Variants in SPAG17 observed in about 807,000 individuals in gnomAD.
SPAG17 encodes sperm associated antigen 17.
In SPAG17, 169 loss-of-function variants were observed where a neutral mutation model predicts 273.6. That is an observed-to-expected ratio of 0.62 (90% CI 0.55 to 0.70). The LOEUF (loss-of-function observed/expected upper bound fraction) is 0.70, where lower values mean the gene tolerates loss of function less well. SPAG17 is among the 30% of genes least tolerant of loss of function. The pLI is 0.00. For missense variants in SPAG17, 2,557 were observed against 2,627.8 expected (o/e 0.97, Z 0.59); for synonymous variants, 825 against 873.2 (o/e 0.94, Z 0.97).
At chr1:118,131,528 A>C (rs1658051597) in intron 3 of SPAG17, among the ~76,000 whole-genome samples, 1 of 152,232 alleles carries the variant, frequency 6.6e-6, no homozygotes, top group Non-Finnish European at 1.5e-5. Flanking sequence ...CCAATTAAAA[A>C]GTAAGTCCTG....
At chr1:118,005,689 C>T (rs781124235) in intron 31 of SPAG17, 87 bp from the exon 32 acceptor site, 1 of 920,212 alleles carries the variant, frequency 1.1e-6, no homozygotes, top group Admixed American at 3.8e-5. Flanking sequence ...AGAAAGAATA[C>T]CCATAGATCC....
intron 34 of SPAG17, among the ~76,000 whole-genome samples, chr1:117,995,926 G>A (rs12131994): frequency 6.6e-6 from 1 of 151,998 alleles, no homozygotes; most frequent in East Asian, 1.9e-4. Context: ...GCTTATATAA[G>A]TTACCGGGTA....
chr1:118,122,129 T>C (rs2102274579), intron 3 of SPAG17, among the ~76,000 whole-genome samples: 1 of 149,718 alleles, frequency 6.7e-6, no homozygotes, highest in South Asian at 2.1e-4. Context: ...AGAGGAACTA[T>C]TGCCCCAATG....
At chr1:117,955,662 C>G (rs564653835) in intron 48 of SPAG17, among the ~76,000 whole-genome samples, 1 of 151,646 alleles carries the variant, frequency 6.6e-6, no homozygotes, top group South Asian at 2.1e-4. Flanking sequence ...TATATTTTGG[C>G]TTCTTTTCTA....
In SPAG17 at chr1:118,093,238, T is replaced by C. The variant is rs1287144129; in HGVS notation, c.1091A>G (p.His364Arg). 2 of 1,613,782 alleles carry C rather than the reference T, an allele frequency of 1.2e-6. No homozygotes were observed. Among genetic ancestry groups the C allele is most frequent in the Non-Finnish European group, 1.7e-6 (2 of 1,179,818 alleles). Residue 364 changes from histidine (H) to arginine (R), a missense_variant, in exon 8 of 49, where the codon CAC (histidine) becomes CGC (arginine). Physicochemically the swap from His to Arg is conservative, Grantham distance 29. Transcript: ENST00000336338. ...DILDWKRQHQ[H>R]YLESMQLINV... ...AATAAGCTGCATGCTTTCCAAATAG[T>C]GCTGGTGCTGCCTTTTCCAATCCAG... is the stretch of plus-strand genomic sequence containing the variant.
At chr1:118,099,887 G>T in intron 5 of SPAG17, 87 bp from the exon 6 acceptor site, 1 of 1,131,480 alleles carries the variant, frequency 8.8e-7, no homozygotes, top group Non-Finnish European at 1.3e-6. Context: ...TATACATTAT[G>T]CATGCATTTA....
At chr1:118,154,980 G>C (rs1020328812) in intron 1 of SPAG17, among the ~76,000 whole-genome samples, 1 of 152,104 alleles carries the variant, frequency 6.6e-6, no homozygotes, top group Non-Finnish European at 1.5e-5. Flanking sequence ...AAGAGGGTCT[G>C]GGTCTGTCAC....
intron 3 of SPAG17, among the ~76,000 whole-genome samples, chr1:118,123,857 C>G (rs1374745756): frequency 6.6e-6 from 1 of 152,146 alleles, no homozygotes; most frequent in African/African-American, 2.4e-5. Context: ...GTTTCAGAAG[C>G]AGCAATAACA....
chr1:118,094,229 G>T (rs559334584), intron 7 of SPAG17, among the ~76,000 whole-genome samples: 47 of 152,284 alleles, frequency 3.1e-4, no homozygotes, highest in African/African-American at 7.9e-4. Context: ...TTCTGGCATA[G>T]AAATATGTTT....
rs1655762532 is a variant in SPAG17, at chr1:117,981,225, A to G, written c.6004+45T>C. The G allele has an allele frequency of 2.0e-6, 3 of 1,521,946 alleles. No individual in the cohort carries two copies. The African/African-American group carries it at 4.3e-5, about 22-fold the overall frequency. 94.3% of individuals were successfully genotyped at this position (1,521,946 alleles called of 1,614,324 possible). On this transcript the variant is annotated intron_variant, in intron 43 of 48. Transcript: ENST00000336338. ...CATCTCCCATATGCCAAAAAGACAT[A>G]ATGTTCAGTTTCAAGAAGCAATAAG... is the stretch of plus-strand genomic sequence containing the variant.
intron 10 of SPAG17, among the ~76,000 whole-genome samples, chr1:118,089,355 G>GTGTGTGTGTGTGT (rs10527094): frequency 1.1e-4 from 15 of 137,920 alleles, no homozygotes; most frequent in South Asian, 2.6e-4. Context: ...GTGTGTGTGT[G>GTGTGTGTGTGTGT]GTGGCAGGTA....
chr1:117,953,958 G>T lies in SPAG17; in HGVS notation c.*92C>A. ...AGTTCTTCCAGTTTCAGTGTCCTGG[G>T]ATGATGGAGTATGTTGTGATGACTT... On this transcript the variant is annotated 3_prime_UTR_variant, in exon 49 of 49. Coordinates refer to ENST00000336338, the MANE Select transcript of SPAG17 (RefSeq NM_206996.4). 2 of 1,496,358 alleles carry T rather than the reference G, an allele frequency of 1.3e-6. No homozygotes were observed. Among genetic ancestry groups the T allele is most frequent in the Non-Finnish European group, 1.8e-6 (2 of 1,090,662 alleles). 92.7% of individuals were successfully genotyped at this position (1,496,358 alleles called of 1,614,324 possible). A position where few individuals can be genotyped will look rare whatever the true frequency, so the allele number is the denominator to read the frequency against.
At chr1:118,034,941 G>A (rs1349715307) in intron 24 of SPAG17, among the ~76,000 whole-genome samples, 1 of 152,064 alleles carries the variant, frequency 6.6e-6, no homozygotes, top group Non-Finnish European at 1.5e-5. Flanking sequence ...ATTTGATTGG[G>A]TTTCTTTATA....
At chr1:118,154,288 T>C (rs1659537541) in intron 1 of SPAG17, among the ~76,000 whole-genome samples, 1 of 152,204 alleles carries the variant, frequency 6.6e-6, no homozygotes, top group Non-Finnish European at 1.5e-5. Context: ...CTCATAACTT[T>C]GTCAGAGTTA....
At position 117,970,043 on chromosome 1, in the gene SPAG17, A is replaced by G. The variant is rs764377943; in HGVS notation, c.6387+13T>C. ...CACGCAAGCACACACAACAGATGAC[A>G]TATAGGACTTACAGGTCCAGGTTTG... On this transcript the variant is annotated intron_variant, in intron 46 of 48. Transcript: ENST00000336338. 9 of 1,613,102 alleles carry G rather than the reference A, an allele frequency of 5.6e-6. No homozygotes were observed. The highest frequency in any genetic ancestry group is 5.0e-5 in the Admixed American group (3 of 59,844).
chr1:118,045,974 A>G (rs1650305411), intron 20 of SPAG17, among the ~76,000 whole-genome samples: 1 of 152,188 alleles, frequency 6.6e-6, no homozygotes, highest in Non-Finnish European at 1.5e-5. Flanking sequence ...CCAGAACATA[A>G]AGAAGAAATG....
At chr1:118,179,655 A>C (rs556519807) in intron 1 of SPAG17, among the ~76,000 whole-genome samples, 240 of 152,112 alleles carry the variant, frequency 1.6e-3, no homozygotes, top group African/African-American at 5.4e-3. Flanking sequence ...TGAAAAGACA[A>C]CTCATGGAGT....
chr1:118,086,205 AG>A (rs1371169349), intron 12 of SPAG17, 133 bp from the exon 13 acceptor site: 3 of 881,880 alleles, frequency 3.4e-6, no homozygotes, highest in Non-Finnish European at 5.1e-6. Flanking sequence ...TAATTGGGAA[AG>A]ACAAACTTTT....
At chr1:118,000,791 T>C (rs2101706863) in intron 32 of SPAG17, among the ~76,000 whole-genome samples, 1 of 152,310 alleles carries the variant, frequency 6.6e-6, no homozygotes, top group Non-Finnish European at 1.5e-5. Flanking sequence ...ACTTCCTCTT[T>C]TCCTAATTGA....
Sources: gnomAD v4.1 joint callset for allele counts (sites outside exome capture counted in the v4.1 genomes callset) on GRCh38, gnomAD v4.1.1 for gene constraint, MANE v1.5 for transcripts, NCBI Gene and HGNC (gene_info 2026-07-23, HGNC 2026-07-21) for gene names.